The following ANO1 variants were observed in gnomAD, a reference collection of about 807,000 sequenced individuals.
ANO1 encodes anoctamin 1, also known as anoctamin-1.
ANO1 carries 59 observed loss-of-function variants against 124.0 expected under a neutral mutation model. The observed-to-expected ratio is 0.48, with a 90% CI of 0.39 to 0.59. The LOEUF (loss-of-function observed/expected upper bound fraction) is 0.59, where lower values mean the gene tolerates loss of function less well. ANO1 is among the 20% of genes least tolerant of loss of function. ANO1 has a pLI of 0.00. For synonymous variants in ANO1, 529 were observed against 532.0 expected, an observed-to-expected ratio of 0.99 and a Z score of 0.08; for missense variants, 1,059 against 1,328.0, an observed-to-expected ratio of 0.80 and a Z score of 3.15.
chr11:70,133,992 C>T (rs1020190402), intron 11 of ANO1, among the ~76,000 whole-genome samples: 4 of 152,208 alleles, frequency 2.6e-5, no homozygotes, highest in Non-Finnish European at 5.9e-5. Context: ...GCATGGGTGC[C>T]GGCAATGGTG....
At chr11:70,092,136 A>G (rs759244882) in intron 2 of ANO1, among the ~76,000 whole-genome samples, 3 of 152,050 alleles carry the variant, frequency 2.0e-5, no homozygotes, top group Non-Finnish European at 4.4e-5. Context: ...GCATCACTCT[A>G]ATCTCAGCCT....
intron 11 of ANO1, among the ~76,000 whole-genome samples, chr11:70,144,429 C>T (rs1281281348): frequency 3.3e-5 from 5 of 152,232 alleles, no homozygotes; most frequent in Admixed American, 3.3e-4. Flanking sequence ...GCACTGGTAA[C>T]AAGCCCATTT....
chr11:69,982,663 T>C (rs895614912), upstream of ANO1, among the ~76,000 whole-genome samples: 3 of 152,166 alleles, frequency 2.0e-5, no homozygotes, highest in African/African-American at 7.2e-5. Context: ...AGAAGCTTGT[T>C]CCAGACGGGA....
intron 1 of ANO1, chr11:70,085,265 TG>T: frequency 1.1e-6 from 1 of 941,142 alleles, no homozygotes. Flanking sequence ...CCGTCCTTCA[TG>T]GGGCTGGGCA....
intron 1 of ANO1, among the ~76,000 whole-genome samples, chr11:70,030,015 A>G (rs1226801331): frequency 6.6e-6 from 1 of 152,112 alleles, no homozygotes; most frequent in Non-Finnish European, 1.5e-5. Flanking sequence ...AGCTTTTTGG[A>G]GGGAGGCAAA....
intron 11 of ANO1, among the ~76,000 whole-genome samples, chr11:70,145,885 T>C (rs112838501): frequency 0.028 from 3,955 of 143,140 alleles, 178 homozygotes; most frequent in African/African-American, 0.097. Context: ...TGCAGTGAGC[T>C]GAGATCACAC....
chr11:70,095,279 GGAAGGAAGGAAGGAAGGAAGGAAA>G (rs1565193125), intron 2 of ANO1, among the ~76,000 whole-genome samples: 3 of 95,462 alleles, frequency 3.1e-5, no homozygotes, highest in East Asian at 2.5e-4. Flanking sequence ...AAGGAAGGAA[GGAAGGAAGGAAGGAAGGAAGGAAA>G]GAAAGAAAGA....
rs535657740 is a variant in ANO1, at chr11:70,162,653, C to T, written c.1893-630C>T. Reference sequence around the variant, plus strand: ...GGGACTGGCTGGTCTGATCTCAGAGCCCCCAAAAAGGCTGCCTCCTCCACA... The same window carrying T: ...GGGACTGGCTGGTCTGATCTCAGAGTCCCCAAAAAGGCTGCCTCCTCCACA... On this transcript the variant is annotated intron_variant, in intron 18 of 25. Coordinates refer to ENST00000355303, the MANE Select transcript of ANO1 (RefSeq NM_018043.7). Among the ~76,000 whole-genome samples, 164 of 150,316 alleles carry T rather than the reference C, an allele frequency of 1.1e-3. 1 individual carries two copies. The highest frequency in any genetic ancestry group is 1.8e-3 in the Non-Finnish European group (125 of 67,674).
At chr11:70,112,810 C>T in intron 7 of ANO1, among the ~76,000 whole-genome samples, 1 of 152,190 alleles carries the variant, frequency 6.6e-6, no homozygotes, top group Admixed American at 6.5e-5. Context: ...CCACCCACCT[C>T]AGCCTCCCAA....
chr11:70,087,871 C>G lies in ANO1; in HGVS notation c.228C>G (p.Asn76Lys), dbSNP rs2044447690. 11 of 1,612,458 alleles carry G rather than the reference C, an allele frequency of 6.8e-6. No individual in the cohort carries two copies. The highest frequency in any genetic ancestry group is 9.3e-6 in the Non-Finnish European group (11 of 1,179,660). ...LVYHHKRPSG[N>K]RTLVRRVQHS... ...ACCATCACAAGAGGCCCTCGGGCAA[C>G]CGGACCCTGGTCAGGAGGGTGCAGC... Residue 76 changes from asparagine (N) to lysine (K), a missense_variant, in exon 2 of 26, where the codon AAC (asparagine) becomes AAG (lysine). By Grantham distance (94) the Asn-to-Lys change is moderately conservative (BLOSUM62 0). Transcript: ENST00000355303.
intron 10 of ANO1, among the ~76,000 whole-genome samples, chr11:70,130,485 C>G (rs2046709505): frequency 1.3e-5 from 2 of 152,226 alleles, no homozygotes; most frequent in South Asian, 4.1e-4. Flanking sequence ...TACTTCCCCT[C>G]TCTGGGCTCT....
chr11:70,152,442 C>T lies in ANO1; in HGVS notation c.1342-8C>T, dbSNP rs2047642831. The T allele has an allele frequency of 1.9e-6, 3 of 1,611,622 alleles. No individual in the cohort carries two copies. The highest frequency in any genetic ancestry group is 2.5e-6 in the Non-Finnish European group (3 of 1,178,850). ...TGTTTTTGTTTTTACTTTTCTGGTT[C>T]CCTGAAGGAGGCTGTCAAGGTTTGG... On this transcript the variant is annotated splice_polypyrimidine_tract_variant and splice_region_variant and intron_variant, in intron 12 of 25. Coordinates refer to ENST00000355303, the MANE Select transcript of ANO1 (RefSeq NM_018043.7).
At chr11:70,134,775 ACC>A (rs1379814716) in intron 11 of ANO1, among the ~76,000 whole-genome samples, 1 of 152,182 alleles carries the variant, frequency 6.6e-6, no homozygotes, top group Non-Finnish European at 1.5e-5. Context: ...CCCCAGGGGA[ACC>A]AAGGGAAGCA....
chr11:70,103,017 C>A, intron 2 of ANO1, 49 bp from the exon 3 acceptor site: 2 of 1,323,470 alleles, frequency 1.5e-6, no homozygotes, highest in Non-Finnish European at 2.1e-6. Context: ...TGGTTTTCCA[C>A]AGAGATGCAC....
At chr11:70,016,256 G>C (rs1299261522) in intron 1 of ANO1, among the ~76,000 whole-genome samples, 1 of 152,084 alleles carries the variant, frequency 6.6e-6, no homozygotes, top group Non-Finnish European at 1.5e-5. Flanking sequence ...TCAAACTGCT[G>C]ACCTCATGGT....
At chr11:70,060,494 G>A (rs1475310362) in intron 1 of ANO1, among the ~76,000 whole-genome samples, 2 of 152,228 alleles carry the variant, frequency 1.3e-5, no homozygotes, top group African/African-American at 4.8e-5. Flanking sequence ...TGTGTTGGGT[G>A]CTAAGTGAGA....
chr11:70,152,021 C>T (rs906715943), intron 12 of ANO1, among the ~76,000 whole-genome samples: 2 of 152,188 alleles, frequency 1.3e-5, no homozygotes, highest in African/African-American at 2.4e-5. Flanking sequence ...TATCCATTTA[C>T]CTTCATCCTA....
chr11:70,085,316 C>CA, intron 1 of ANO1: 2 of 1,371,978 alleles, frequency 1.5e-6, no homozygotes, highest in Non-Finnish European at 1.9e-6. Flanking sequence ...CTCCCCCACC[C>CA]TTCCCCCTGA....
rs752384290 is a variant in ANO1, at chr11:70,167,262, G to T, written c.2072G>T (p.Arg691Leu). 1 of 1,613,862 alleles carries T rather than the reference G, an allele frequency of 6.2e-7. No homozygotes were observed. The highest frequency in any genetic ancestry group is 8.5e-7 in the Non-Finnish European group (1 of 1,179,882). The change falls in exon 21 of 26, where the codon CGC (arginine) becomes CTC (leucine). Residue 691 changes from arginine to leucine, a missense_variant. Arg to Leu is a moderately radical substitution (Grantham distance 102). This residue lies in a region of ANO1 where 809 missense variants were observed against 1,094.9 expected (regional missense o/e 0.74). Coordinates refer to ENST00000355303, the MANE Select transcript of ANO1 (RefSeq NM_018043.7). ...IGIPKMKKLI[R>L]YLKLKQQSPP... ...CTCAGGAAGATGAAGAAGCTCATCC[G>T]CTACCTGAAGCTGAAGCAGCAGAGC...
Sources: gnomAD v4.1 joint callset for allele counts (sites outside exome capture counted in the v4.1 genomes callset) on GRCh38, gnomAD v4.1.1 for gene constraint, gnomAD v4.1.1 regional missense constraint, MANE v1.5 for transcripts, NCBI Gene and HGNC (gene_info 2026-07-23, HGNC 2026-07-21) for gene names.